The following IQCM variants were observed in gnomAD, a reference collection of about 807,000 sequenced individuals.
IQCM encodes the protein IQ motif containing M.
Under a neutral mutation model 57.6 loss-of-function variants are expected in IQCM, and 45 were observed. The ratio of observed to expected loss-of-function variants is 0.78; its 90% CI spans 0.62 to 1.00. The LOEUF is 1.00. Ranked by LOEUF, IQCM falls within the 50% of genes least tolerant of loss-of-function variation. The pLI is 0.00. For missense variants in IQCM, 468 were observed against 511.6 expected (o/e 0.91, Z 0.82); for synonymous variants, 148 against 158.9 (o/e 0.93, Z 0.51).
In IQCM at chr4:149,351,838, C is replaced by T; in HGVS notation, c.*113G>A. 2.5e-6 allele frequency: 1 copy of T among 395,430 alleles called. No homozygotes were observed. The highest frequency in any genetic ancestry group is 4.5e-6 in the Non-Finnish European group (1 of 224,502). 24.5% of individuals were successfully genotyped at this position (395,430 alleles called of 1,614,324 possible). ...AACTTGTCAAAGTTCTTTCTATATT[C>T]AAAGATTTTTATCCTTTCTTCCTAC... On this transcript the variant is annotated 3_prime_UTR_variant, in exon 14 of 14. Coordinates refer to ENST00000636793, the MANE Select transcript of IQCM (RefSeq NM_001363507.2).
At chr4:149,795,544 G>T (rs1404841110) in intron 2 of IQCM, among the ~76,000 whole-genome samples, 5 of 152,152 alleles carry the variant, frequency 3.3e-5, no homozygotes, top group Non-Finnish European at 7.4e-5. Context: ...ACTGGGCCCA[G>T]AGCCAATGGA....
intron 9 of IQCM, among the ~76,000 whole-genome samples, chr4:149,582,829 A>G (rs1423965104): frequency 6.6e-6 from 1 of 151,674 alleles, no homozygotes; most frequent in Non-Finnish European, 1.5e-5. Flanking sequence ...TTCATAGGTA[A>G]CAAAATTTCA....
At chr4:149,804,640 A>T (rs1283150110) in intron 2 of IQCM, among the ~76,000 whole-genome samples, 1 of 152,060 alleles carries the variant, frequency 6.6e-6, no homozygotes, top group East Asian at 1.9e-4. Flanking sequence ...TTTGCCCTGT[A>T]TGTTTATCCC....
At chr4:149,356,423 A>C (rs1398398773) in intron 13 of IQCM, among the ~76,000 whole-genome samples, 2 of 151,946 alleles carry the variant, frequency 1.3e-5, no homozygotes, top group Non-Finnish European at 2.9e-5. Flanking sequence ...ATTTTTGTAT[A>C]AGGTGTAAGG....
chr4:149,755,125 C>G (rs1768839086), intron 2 of IQCM, among the ~76,000 whole-genome samples: 1 of 152,190 alleles, frequency 6.6e-6, no homozygotes, highest in Admixed American at 6.5e-5. Flanking sequence ...ACTATTAACA[C>G]TCTAGCTGAA....
intron 2 of IQCM, among the ~76,000 whole-genome samples, chr4:149,763,847 A>G (rs1232203660): frequency 6.6e-6 from 1 of 152,008 alleles, no homozygotes; most frequent in Non-Finnish European, 1.5e-5. Flanking sequence ...AGAACAGGGA[A>G]CTTTTTTTTT....
intron 5 of IQCM, among the ~76,000 whole-genome samples, chr4:149,712,723 T>A (rs1321099472): frequency 6.6e-6 from 1 of 152,086 alleles, no homozygotes; most frequent in African/African-American, 2.4e-5. Flanking sequence ...ACTTAATACC[T>A]CTCCAGAATG....
At chr4:149,532,352 G>T (rs537176262) in intron 12 of IQCM, among the ~76,000 whole-genome samples, 2 of 152,126 alleles carry the variant, frequency 1.3e-5, no homozygotes, top group East Asian at 3.9e-4. Flanking sequence ...ACCTACAAGA[G>T]ATTCCATGTT....
intron 13 of IQCM, among the ~76,000 whole-genome samples, chr4:149,410,286 A>C (rs529513854): frequency 6.6e-6 from 1 of 152,132 alleles, no homozygotes; most frequent in East Asian, 1.9e-4. Context: ...TTCAAACCAC[A>C]ATTTTAACTA....
intron 2 of IQCM, among the ~76,000 whole-genome samples, chr4:149,774,472 C>T (rs1040319376): frequency 2.0e-5 from 3 of 152,168 alleles, no homozygotes; most frequent in African/African-American, 7.2e-5. Context: ...CACATATCCC[C>T]ACGTGTGTAG....
chr4:149,654,382 T>C (rs1759456249), intron 7 of IQCM, among the ~76,000 whole-genome samples: 1 of 151,978 alleles, frequency 6.6e-6, no homozygotes, highest in South Asian at 2.1e-4. Context: ...AGTGAGTGGG[T>C]TCTTGGTAGA....
At chr4:149,814,218 G>A (rs1376215379) in intron 2 of IQCM, among the ~76,000 whole-genome samples, 1 of 151,920 alleles carries the variant, frequency 6.6e-6, no homozygotes, top group African/African-American at 2.4e-5. Context: ...AAAACTGCAA[G>A]ACCTTCCAAG....
chr4:149,608,974 G>A (rs1755036572), intron 8 of IQCM, among the ~76,000 whole-genome samples: 1 of 151,204 alleles, frequency 6.6e-6, no homozygotes, highest in Non-Finnish European at 1.5e-5. Context: ...ATCTTAAAAG[G>A]ACAACAAAAT....
At chr4:149,404,243 T>C (rs1732822651) in intron 13 of IQCM, among the ~76,000 whole-genome samples, 1 of 152,046 alleles carries the variant, frequency 6.6e-6, no homozygotes, top group South Asian at 2.1e-4. Context: ...CAACCCCAGC[T>C]GCCACGCCTT....
intron 8 of IQCM, among the ~76,000 whole-genome samples, chr4:149,607,085 A>C (rs934043068): frequency 6.6e-6 from 1 of 152,124 alleles, no homozygotes; most frequent in Admixed American, 6.6e-5. Flanking sequence ...AGTGGATTCA[A>C]CCCAAGTAAG....
intron 8 of IQCM, among the ~76,000 whole-genome samples, chr4:149,613,750 T>C (rs1274468075): frequency 6.6e-6 from 1 of 152,070 alleles, no homozygotes; most frequent in Non-Finnish European, 1.5e-5. Flanking sequence ...CCCCGGTGTG[T>C]GATGTTTCCC....
At chr4:149,706,418 A>G (rs868023509) in intron 5 of IQCM, among the ~76,000 whole-genome samples, 1 of 151,988 alleles carries the variant, frequency 6.6e-6, no homozygotes, top group Non-Finnish European at 1.5e-5. Context: ...ATGTTAAATC[A>G]GAGTGTGTCT....
chr4:149,509,784 G>A (rs1002418388), intron 12 of IQCM, among the ~76,000 whole-genome samples: 12 of 150,406 alleles, frequency 8.0e-5, no homozygotes, highest in South Asian at 4.2e-4. Context: ...TCTTTTTTTC[G>A]AATTTGGTAA....
intron 2 of IQCM, among the ~76,000 whole-genome samples, chr4:149,759,252 G>C (rs975049109): frequency 6.6e-6 from 1 of 152,134 alleles, no homozygotes. Context: ...AGTTGCCAGG[G>C]GTAAAGGGAA....
Sources: gnomAD v4.1 joint callset for allele counts (sites outside exome capture counted in the v4.1 genomes callset) on GRCh38, gnomAD v4.1.1 for gene constraint, MANE v1.5 for transcripts, NCBI Gene and HGNC (gene_info 2026-07-23, HGNC 2026-07-21) for gene names.